Variants in ARHGAP15 observed in about 807,000 individuals in gnomAD.
ARHGAP15 encodes rho GTPase-activating protein 15.
In ARHGAP15, 51 loss-of-function variants were observed where a neutral mutation model predicts 63.7. The ratio of observed to expected loss-of-function variants is 0.80; its 90% CI spans 0.64 to 1.01. The LOEUF (loss-of-function observed/expected upper bound fraction) is 1.01, where lower values mean the gene tolerates loss of function less well. Among genes scored for constraint, ARHGAP15 ranks in the 50% least tolerant of loss-of-function variants. The pLI, the probability that ARHGAP15 is intolerant of heterozygous loss-of-function variation, is 0.00. For missense variants in ARHGAP15, 560 were observed against 564.6 expected (o/e 0.99, Z 0.08); for synonymous variants, 191 against 193.8 (o/e 0.99, Z 0.12).
chr2:143,147,532 T>A (rs1689640547), intron 1 of ARHGAP15, among the ~76,000 whole-genome samples: 1 of 151,992 alleles, frequency 6.6e-6, no homozygotes, highest in Non-Finnish European at 1.5e-5. Context: ...GCGCAGGCAT[T>A]TTCTTCCTAT....
At chr2:143,678,622 A>G (rs1682941752) in intron 12 of ARHGAP15, among the ~76,000 whole-genome samples, 1 of 152,182 alleles carries the variant, frequency 6.6e-6, no homozygotes, top group African/African-American at 2.4e-5. Context: ...TTTTACATCC[A>G]TAAAATTAGA....
At chr2:143,308,686 G>A (rs2105180186) in intron 6 of ARHGAP15, among the ~76,000 whole-genome samples, 1 of 152,122 alleles carries the variant, frequency 6.6e-6, no homozygotes, top group Non-Finnish European at 1.5e-5. Context: ...AAATCATTGA[G>A]TAAGTCAACG....
At chr2:143,483,475 T>C (rs1159761765) in intron 8 of ARHGAP15, among the ~76,000 whole-genome samples, 1 of 152,240 alleles carries the variant, frequency 6.6e-6, no homozygotes, top group African/African-American at 2.4e-5. Flanking sequence ...TCGAAAATAT[T>C]ACTTTTGTAA....
chr2:143,320,616 C>T (rs1002858160), intron 6 of ARHGAP15, among the ~76,000 whole-genome samples: 1 of 152,000 alleles, frequency 6.6e-6, no homozygotes, highest in African/African-American at 2.4e-5. Flanking sequence ...AGGGATGAAT[C>T]AACAAGATGC....
intron 6 of ARHGAP15, among the ~76,000 whole-genome samples, chr2:143,404,576 A>T (rs1462673295): frequency 6.6e-6 from 1 of 151,954 alleles, no homozygotes; most frequent in Non-Finnish European, 1.5e-5. Context: ...CCTTTAGGTT[A>T]GTATTAGTTG....
intron 10 of ARHGAP15, among the ~76,000 whole-genome samples, chr2:143,552,429 A>G (rs1272953828): frequency 6.6e-6 from 1 of 152,096 alleles, no homozygotes; most frequent in African/African-American, 2.4e-5. Context: ...TCTTTTTGCA[A>G]AGTGTCTAAG....
intron 6 of ARHGAP15, among the ~76,000 whole-genome samples, chr2:143,373,650 A>AAAAAAAAAAAAAAAC: frequency 8.2e-6 from 1 of 122,392 alleles, no homozygotes; most frequent in Non-Finnish European, 1.7e-5. Flanking sequence ...AAAAAAAAAA[A>AAAAAAAAAAAAAAAC]AAAAAAAAAA....
At chr2:143,213,162 G>A (rs1171091471) in intron 3 of ARHGAP15, among the ~76,000 whole-genome samples, 2 of 152,180 alleles carry the variant, frequency 1.3e-5, no homozygotes, top group African/African-American at 4.8e-5. Context: ...GAGGAAAGAA[G>A]TGTTATTAAT....
intron 8 of ARHGAP15, among the ~76,000 whole-genome samples, chr2:143,455,678 A>G (rs748160023): frequency 5.9e-5 from 9 of 152,118 alleles, no homozygotes; most frequent in Admixed American, 2.0e-4. Flanking sequence ...TATTAACAAA[A>G]CGAATATAGT....
rs1694411008 is a variant in ARHGAP15 at position 143,529,069 on chromosome 2, C to A, written c.925+9705C>A. Among the ~76,000 whole-genome samples the A allele has an allele frequency of 3.3e-5, 5 of 152,148 alleles. No homozygotes were observed. In the South Asian group the frequency reaches 1.0e-3, roughly 32 times the overall value. Reference sequence around the variant, plus strand: ...AAGCTGTTTTTTTCCCACTCAGATCCATGGTCTAGAAACAACCCTTCTTGA... The same window carrying A: ...AAGCTGTTTTTTTCCCACTCAGATCAATGGTCTAGAAACAACCCTTCTTGA... On this transcript the variant is annotated intron_variant, in intron 10 of 13. Transcript: ENST00000295095.
chr2:143,472,539 T>C (rs1281627132), intron 8 of ARHGAP15, among the ~76,000 whole-genome samples: 1 of 152,198 alleles, frequency 6.6e-6, no homozygotes, highest in Non-Finnish European at 1.5e-5. Flanking sequence ...TTTAATTTTA[T>C]ATACTTATTC....
At chr2:143,288,494 G>T (rs745949386) in intron 6 of ARHGAP15, among the ~76,000 whole-genome samples, 40 of 151,764 alleles carry the variant, frequency 2.6e-4, no homozygotes, top group Admixed American at 5.9e-4. Context: ...TTATCTTAAG[G>T]CTTTCTGAAT....
intron 8 of ARHGAP15, among the ~76,000 whole-genome samples, chr2:143,460,530 G>A (rs1401549422): frequency 6.6e-6 from 1 of 152,132 alleles, no homozygotes; most frequent in Non-Finnish European, 1.5e-5. Flanking sequence ...TCTGAATAAT[G>A]TTAAATTAGA....
intron 6 of ARHGAP15, among the ~76,000 whole-genome samples, chr2:143,323,505 G>A (rs373995027): frequency 5.9e-5 from 9 of 152,156 alleles, no homozygotes; most frequent in South Asian, 2.1e-4. Flanking sequence ...GGGATGAAAC[G>A]TCTGAAAGTG....
intron 11 of ARHGAP15, among the ~76,000 whole-genome samples, chr2:143,605,905 G>A (rs1456739517): frequency 4.2e-5 from 6 of 144,238 alleles, no homozygotes; most frequent in Non-Finnish European, 6.0e-5. Context: ...GCATAGCGGC[G>A]TTTGCCTGTA....
chr2:143,623,471 G>A (rs1011528391), intron 11 of ARHGAP15, among the ~76,000 whole-genome samples: 2 of 152,048 alleles, frequency 1.3e-5, no homozygotes, highest in Non-Finnish European at 2.9e-5. Context: ...CATAGCCTAC[G>A]TAGGCCAACA....
At chr2:143,713,600 C>T (rs562454200) in intron 13 of ARHGAP15, among the ~76,000 whole-genome samples, 19 of 152,260 alleles carry the variant, frequency 1.2e-4, no homozygotes, top group Admixed American at 3.9e-4. Flanking sequence ...AGACAAGGCA[C>T]GTCACTTCTG....
chr2:143,455,374 G>A (rs1690599461), intron 8 of ARHGAP15, among the ~76,000 whole-genome samples: 1 of 151,874 alleles, frequency 6.6e-6, no homozygotes, highest in Admixed American at 6.6e-5. Context: ...GTGGGATTTG[G>A]CTGGCTTCTT....
intron 2 of ARHGAP15, among the ~76,000 whole-genome samples, chr2:143,163,045 T>C (rs943766793): frequency 7.9e-5 from 12 of 152,028 alleles, no homozygotes; most frequent in Non-Finnish European, 1.6e-4. Context: ...ATTATAACCT[T>C]GATTAACCTA....
Sources: gnomAD v4.1 joint callset for allele counts (sites outside exome capture counted in the v4.1 genomes callset) on GRCh38, gnomAD v4.1.1 for gene constraint, MANE v1.5 for transcripts, NCBI Gene and HGNC (gene_info 2026-07-23, HGNC 2026-07-21) for gene names.